The following CLVS1 variants were observed in gnomAD, a reference collection of about 807,000 sequenced individuals.
The protein encoded by CLVS1 is clavesin-1.
A neutral mutation model predicts 33.1 loss-of-function variants in CLVS1; 10 were observed. The ratio of observed to expected loss-of-function variants is 0.30; its 90% CI spans 0.19 to 0.51. The LOEUF (loss-of-function observed/expected upper bound fraction) is 0.51. Ranked by LOEUF, CLVS1 falls within the 20% of genes least tolerant of loss-of-function variation. CLVS1 has a pLI of 0.97. For missense variants in CLVS1, 343 were observed against 433.4 expected, an observed-to-expected ratio of 0.79 and a Z score of 1.85; for synonymous variants, 163 against 166.1, an observed-to-expected ratio of 0.98 and a Z score of 0.14.
chr8:61,292,606 A>T (rs542685907), intron 1 of CLVS1, among the ~76,000 whole-genome samples: 1 of 152,276 alleles, frequency 6.6e-6, no homozygotes, highest in South Asian at 2.1e-4. Context: ...TACCCCTAGG[A>T]AGCACAACTA....
intron 2 of CLVS1, among the ~76,000 whole-genome samples, chr8:61,351,062 C>T (rs1362296276): frequency 6.6e-6 from 1 of 152,058 alleles, no homozygotes; most frequent in African/African-American, 2.4e-5. Flanking sequence ...TGAATCTGGT[C>T]CCTTCTCTCC....
At chr8:61,279,844 T>C (rs957952335) in intron 2 of CLVS1, among the ~76,000 whole-genome samples, 5 of 152,232 alleles carry the variant, frequency 3.3e-5, no homozygotes, top group African/African-American at 1.2e-4. Flanking sequence ...GTAAGGTTAA[T>C]GTGAATTCAG....
intron 2 of CLVS1, chr8:61,202,903 GAAGA>G (rs1770655590): frequency 9.4e-7 from 1 of 1,066,450 alleles, no homozygotes; most frequent in African/African-American, 1.5e-5. Flanking sequence ...TGAGGAAGCT[GAAGA>G]AAAAGTGCCA....
intron 5 of CLVS1, among the ~76,000 whole-genome samples, chr8:61,497,077 A>G (rs1193199605): frequency 6.6e-6 from 1 of 152,212 alleles, no homozygotes; most frequent in African/African-American, 2.4e-5. Context: ...AACTTCTTAG[A>G]ACAATACCAT....
At chr8:61,159,744 G>A (rs185795221) in intron 2 of CLVS1, among the ~76,000 whole-genome samples, 189 of 152,304 alleles carry the variant, frequency 1.2e-3, no homozygotes, top group African/African-American at 4.4e-3. Context: ...TTAATTTATT[G>A]TCAGGAGAGA....
chr8:61,008,286 C>T, the CLVS1 span, among the ~76,000 whole-genome samples: 123,233 of 151,940 alleles, frequency 0.81, 50,081 homozygotes, highest in East Asian at 0.9. Context: ...TAAGGGAATA[C>T]TAAAAATGAG....
rs372241885 is a variant in CLVS1, at chr8:61,438,406, A to G, written c.631-15735A>G. On this transcript the variant is annotated intron_variant, in intron 3 of 5. Coordinates refer to ENST00000325897, the MANE Select transcript of CLVS1 (RefSeq NM_173519.3). ...ATATTGCATTGTGTATATGTACCAC[A>G]TTTTCTTTATCCAGTCTATCATTGA... Among the ~76,000 whole-genome samples the G allele has an allele frequency of 2.6e-5, 4 of 152,214 alleles. No homozygotes were observed. The East Asian group carries it at 7.7e-4, about 29-fold the overall frequency.
intron 2 of CLVS1, among the ~76,000 whole-genome samples, chr8:61,146,350 AG>A (rs1806414902): frequency 6.6e-6 from 1 of 152,236 alleles, no homozygotes; most frequent in Non-Finnish European, 1.5e-5. Context: ...ATGGGGTTCT[AG>A]CTGCCATAGA....
At chr8:61,035,488 A>G in the CLVS1 span, among the ~76,000 whole-genome samples, 1 of 152,164 alleles carries the variant, frequency 6.6e-6, no homozygotes, top group African/African-American at 2.4e-5. Flanking sequence ...TAGATGTGCA[A>G]TGGGCTGGGT....
intron 2 of CLVS1, among the ~76,000 whole-genome samples, chr8:61,198,681 G>A (rs1370639419): frequency 3.3e-5 from 5 of 152,170 alleles, no homozygotes; most frequent in East Asian, 1.9e-4. Context: ...ATCTCATGCC[G>A]GGCCCCAATA....
chr8:61,358,055 C>A (rs1455530687), intron 2 of CLVS1, among the ~76,000 whole-genome samples: 1 of 152,156 alleles, frequency 6.6e-6, no homozygotes, highest in Non-Finnish European at 1.5e-5. Context: ...GCCCTAAAAT[C>A]CTGTTTCTTA....
intron 2 of CLVS1, among the ~76,000 whole-genome samples, chr8:61,369,809 T>C (rs1376538686): frequency 6.6e-6 from 1 of 152,214 alleles, no homozygotes; most frequent in African/African-American, 2.4e-5. Context: ...CAGGCCCTTT[T>C]GCCAGTTTGC....
chr8:61,249,151 G>C (rs1808881505), intron 2 of CLVS1, among the ~76,000 whole-genome samples: 1 of 152,092 alleles, frequency 6.6e-6, no homozygotes, highest in Non-Finnish European at 1.5e-5. Flanking sequence ...ACTTATGAGT[G>C]AGAACATGTG....
At chr8:61,049,824 C>CA in the CLVS1 span, among the ~76,000 whole-genome samples, 2 of 152,086 alleles carry the variant, frequency 1.3e-5, no homozygotes, top group Admixed American at 1.3e-4. Flanking sequence ...CATAATGAGT[C>CA]TTTTTTTTAG....
chr8:61,370,354 C>G (rs1314757151), intron 2 of CLVS1: 3 of 152,044 alleles, frequency 2.0e-5, no homozygotes, highest in Non-Finnish European at 4.4e-5. Flanking sequence ...TCATTCCCCT[C>G]CTATCCTTCC....
intron 1 of CLVS1, among the ~76,000 whole-genome samples, chr8:61,059,889 C>T (rs1165046761): frequency 6.6e-6 from 1 of 152,050 alleles, no homozygotes; most frequent in Admixed American, 6.6e-5. Context: ...CAAGTTCTTA[C>T]TCACACAATG....
At chr8:60,984,951 G>T in the CLVS1 span, among the ~76,000 whole-genome samples, 8,097 of 152,122 alleles carry the variant, frequency 0.053, 458 homozygotes, top group African/African-American at 0.14. Flanking sequence ...TGGAGAAATA[G>T]TCTGTAAGTG....
At chr8:61,449,942 A>G (rs1350793621) in intron 3 of CLVS1, among the ~76,000 whole-genome samples, 1 of 152,218 alleles carries the variant, frequency 6.6e-6, no homozygotes, top group Non-Finnish European at 1.5e-5. Flanking sequence ...CAAGGAGGAA[A>G]TTAATAATCA....
chr8:61,379,766 T>C (rs1216046503), intron 3 of CLVS1, among the ~76,000 whole-genome samples: 2 of 152,134 alleles, frequency 1.3e-5, no homozygotes, highest in African/African-American at 4.8e-5. Flanking sequence ...AGTTGGACAG[T>C]AGGAGAAATT....
Sources: allele counts gnomAD v4.1 joint callset (sites outside exome capture counted in the v4.1 genomes callset), GRCh38; gene constraint gnomAD v4.1.1; transcripts MANE v1.5; gene names NCBI Gene and HGNC (gene_info 2026-07-23, HGNC 2026-07-21).